ZBTB8A: variants seen among roughly 807,000 people sequenced by gnomAD.
ZBTB8A encodes the protein zinc finger and BTB domain containing 8A.
A neutral mutation model predicts 37.8 loss-of-function variants in ZBTB8A; 19 were observed. The observed-to-expected ratio is 0.50, with a 90% confidence interval of 0.35 to 0.74. The LOEUF is 0.74. ZBTB8A is among the 30% of genes least tolerant of loss of function. The probability of loss-of-function intolerance (pLI) is 0.01; values close to 1 mark genes in which losing one functional copy is unlikely to be tolerated. For synonymous variants in ZBTB8A, 181 were observed against 185.2 expected (o/e 0.98, Z 0.19); for missense variants, 394 against 537.8 (o/e 0.73, Z 2.65).
At chr1:32,577,991 C>T (rs112462518) in intron 2 of ZBTB8A, among the ~76,000 whole-genome samples, 10,880 of 152,002 alleles carry the variant, frequency 0.072, 412 homozygotes, top group East Asian at 0.12. Flanking sequence ...GCAACTTCCA[C>T]CTCCTGGGTT....
At chr1:32,566,556 A>C (rs1306542989) in intron 2 of ZBTB8A, among the ~76,000 whole-genome samples, 5 of 152,132 alleles carry the variant, frequency 3.3e-5, no homozygotes, top group Non-Finnish European at 7.4e-5. Context: ...ATAATAATAA[A>C]AACAAAATAA....
chr1:32,597,216 A>G (rs1449665860), intron 4 of ZBTB8A, among the ~76,000 whole-genome samples: 2 of 151,998 alleles, frequency 1.3e-5, no homozygotes, highest in African/African-American at 2.4e-5. Flanking sequence ...GCTGGTCTTG[A>G]ATTCCTGACC....
At chr1:32,577,796 T>C (rs1644374374) in intron 2 of ZBTB8A, among the ~76,000 whole-genome samples, 1 of 151,850 alleles carries the variant, frequency 6.6e-6, no homozygotes, top group Non-Finnish European at 1.5e-5. Context: ...TTGTCCAGAC[T>C]GGTCTCAAAC....
intron 2 of ZBTB8A, among the ~76,000 whole-genome samples, chr1:32,568,242 C>T (rs1159367396): frequency 6.6e-6 from 1 of 152,144 alleles, no homozygotes; most frequent in Non-Finnish European, 1.5e-5. Context: ...GTAATAATCA[C>T]CATAAATAAT....
chr1:32,576,728 C>G (rs1644363499), intron 2 of ZBTB8A, among the ~76,000 whole-genome samples: 1 of 152,002 alleles, frequency 6.6e-6, no homozygotes. Context: ...CACGCCCAGC[C>G]TAATTTTTGT....
intron 4 of ZBTB8A, among the ~76,000 whole-genome samples, chr1:32,596,027 C>A (rs1644527509): frequency 6.6e-6 from 1 of 152,000 alleles, no homozygotes; most frequent in Non-Finnish European, 1.5e-5. Context: ...AATCCCAGCA[C>A]TTCGGGAGGC....
At chr1:32,571,638 G>A (rs1283494511) in intron 2 of ZBTB8A, among the ~76,000 whole-genome samples, 9 of 151,620 alleles carry the variant, frequency 5.9e-5, no homozygotes, top group East Asian at 1.9e-4. Context: ...GCAATGGTGC[G>A]ATCTTGGCTC....
chr1:32,542,795 T>C (rs1391437365), intron 1 of ZBTB8A, among the ~76,000 whole-genome samples: 1 of 152,224 alleles, frequency 6.6e-6, no homozygotes. Flanking sequence ...GGGACTATTA[T>C]AATATTTAAC....
At chr1:32,598,392 C>G (rs1332117068) in intron 4 of ZBTB8A, among the ~76,000 whole-genome samples, 1 of 151,708 alleles carries the variant, frequency 6.6e-6, no homozygotes, top group Non-Finnish European at 1.5e-5. Flanking sequence ...GCCACCATGC[C>G]CAGCTAAGTT....
chr1:32,569,955 T>C (rs72652181), intron 2 of ZBTB8A, among the ~76,000 whole-genome samples: 10,930 of 152,206 alleles, frequency 0.072, 389 homozygotes, highest in African/African-American at 0.099. Context: ...AAGAAATCTT[T>C]GTCCACCCCA....
chr1:32,588,567 T>TAGTG (rs1308121543), intron 2 of ZBTB8A, among the ~76,000 whole-genome samples: 1 of 151,782 alleles, frequency 6.6e-6, no homozygotes, highest in Non-Finnish European at 1.5e-5. Context: ...CATGAAGGGG[T>TAGTG]AGTGTCCTGG....
intron 2 of ZBTB8A, among the ~76,000 whole-genome samples, chr1:32,565,145 G>A (rs1644269132): frequency 6.6e-6 from 1 of 151,996 alleles, no homozygotes; most frequent in Non-Finnish European, 1.5e-5. Flanking sequence ...CCTCGGTAAG[G>A]TGGCAAAACC....
At chr1:32,579,571 C>T (rs1644388592) in intron 2 of ZBTB8A, among the ~76,000 whole-genome samples, 2 of 152,250 alleles carry the variant, frequency 1.3e-5, no homozygotes, top group African/African-American at 4.8e-5. Context: ...GATCTCTTTG[C>T]ATAGTTGCTT....
In ZBTB8A at chr1:32,556,104, C is replaced by G. The variant is rs6692878; in HGVS notation, c.-2+2564C>G. On this transcript the variant is annotated intron_variant, in intron 2 of 4. Transcript: ENST00000373510. ...TTTATTTTTTTCTGAGACAGAGTCT[C>G]ACTCTGTCCCCCAGGCTGGAGTGCA... Among the ~76,000 whole-genome samples, 557 of 151,370 alleles carry G rather than the reference C, an allele frequency of 3.7e-3. 7 individuals are homozygous for G. The East Asian group carries it at 0.043, about 12-fold the overall frequency.
At chr1:32,555,032 T>C (rs1644189759) in intron 2 of ZBTB8A, among the ~76,000 whole-genome samples, 1 of 152,200 alleles carries the variant, frequency 6.6e-6, no homozygotes, top group Admixed American at 6.5e-5. Flanking sequence ...CTCCCACAGC[T>C]GCATCGTGCA....
At chr1:32,572,301 A>G (rs1644328114) in intron 2 of ZBTB8A, among the ~76,000 whole-genome samples, 1 of 152,102 alleles carries the variant, frequency 6.6e-6, no homozygotes, top group Non-Finnish European at 1.5e-5. Context: ...CTTTGTGGGC[A>G]GTTTTTAAGT....
At chr1:32,558,328 C>T (rs1470699736) in intron 2 of ZBTB8A, among the ~76,000 whole-genome samples, 4 of 151,790 alleles carry the variant, frequency 2.6e-5, no homozygotes, top group Admixed American at 2.6e-4. Context: ...TTTTTTCTTC[C>T]TGTCTCACCC....
intron 2 of ZBTB8A, among the ~76,000 whole-genome samples, chr1:32,563,788 A>G (rs1291455734): frequency 6.6e-6 from 1 of 152,006 alleles, no homozygotes; most frequent in African/African-American, 2.4e-5. Flanking sequence ...CTTCCTAAGG[A>G]TAATTTATTT....
Position 32,605,862 on chromosome 1 carries a change from A to G in ZBTB8A, c.*5443A>G, listed in dbSNP as rs572499899. Reference sequence around the variant, plus strand: ...CACTCTATTTTATAGATGATTTTATATAAGTAACAGTGGATTGTTTTAAAG... The same window carrying G: ...CACTCTATTTTATAGATGATTTTATGTAAGTAACAGTGGATTGTTTTAAAG... On this transcript the variant is annotated 3_prime_UTR_variant, in exon 5 of 5. Transcript: ENST00000373510. 6.6e-6 allele frequency: 1 copy of G among 152,136 alleles called. No homozygotes were observed. The highest frequency in any genetic ancestry group is 1.9e-4 in the East Asian group (1 of 5,198). The allele number at this position is 152,136 out of a possible 1,614,324, so 9.4% of individuals were successfully genotyped here.
Sources: gnomAD v4.1 joint callset for allele counts (sites outside exome capture counted in the v4.1 genomes callset) on GRCh38, gnomAD v4.1.1 for gene constraint, MANE v1.5 for transcripts, NCBI Gene and HGNC (gene_info 2026-07-23, HGNC 2026-07-21) for gene names.